The following STAB2 variants were observed in gnomAD, a reference collection of about 807,000 sequenced individuals.
STAB2 encodes stabilin 2.
A neutral mutation model predicts 338.1 loss-of-function variants in STAB2; 288 were observed. The ratio of observed to expected loss-of-function variants is 0.85; its 90% confidence interval spans 0.77 to 0.94. The LOEUF is 0.94. STAB2 is among the 40% of genes least tolerant of loss of function. The pLI, the probability that STAB2 is intolerant of heterozygous loss-of-function variation, is 0.00. For missense variants in STAB2, 3,141 were observed against 3,210.1 expected (o/e 0.98, Z 0.52); for synonymous variants, 1,202 against 1,193.3 (o/e 1.01, Z -0.15).
chr12:103,697,032 T>C (rs776269775), intron 33 of STAB2, among the ~76,000 whole-genome samples: 2 of 152,180 alleles, frequency 1.3e-5, no homozygotes, highest in African/African-American at 2.4e-5. Context: ...ATTTTTCTTA[T>C]TTAATAAGGA....
intron 9 of STAB2, among the ~76,000 whole-genome samples, chr12:103,645,888 TG>T (rs752348598): frequency 7.6e-6 from 1 of 131,986 alleles, no homozygotes; most frequent in Non-Finnish European, 1.6e-5. Context: ...TGGGCGGGGC[TG>T]GGGAGGGGGG....
intron 49 of STAB2, among the ~76,000 whole-genome samples, chr12:103,731,168 C>A (rs184546756): frequency 5.3e-4 from 81 of 152,332 alleles, no homozygotes; most frequent in African/African-American, 1.4e-3. Context: ...TGTCACAGCT[C>A]TGTGACTGCC....
intron 34 of STAB2, among the ~76,000 whole-genome samples, chr12:103,699,957 G>A (rs761185665): frequency 6.6e-6 from 1 of 152,170 alleles, no homozygotes; most frequent in Non-Finnish European, 1.5e-5. Flanking sequence ...CCAGGAAGTG[G>A]TGTGGGCTCC....
chr12:103,663,089 A>G, intron 18 of STAB2, 91 bp downstream of exon 18: 1 of 1,512,496 alleles, frequency 6.6e-7, no homozygotes, highest in Non-Finnish European at 8.9e-7. Flanking sequence ...AAGGTGTCAA[A>G]GAAAGTTGGA....
chr12:103,728,773 G>C (rs1186391068), intron 47 of STAB2, 76 bp from the exon 48 acceptor site: 1 of 1,579,052 alleles, frequency 6.3e-7, no homozygotes, highest in Non-Finnish European at 8.7e-7. Context: ...AGAGAATGGA[G>C]GACAGGAGAG....
At chr12:103,651,192 G>A (rs1226593461) in intron 11 of STAB2, among the ~76,000 whole-genome samples, 1 of 151,908 alleles carries the variant, frequency 6.6e-6, no homozygotes. Context: ...TTATCGATTT[G>A]TATACAACTT....
intron 3 of STAB2, among the ~76,000 whole-genome samples, chr12:103,595,952 G>A (rs1055268760): frequency 4.6e-5 from 7 of 152,150 alleles, no homozygotes; most frequent in Middle Eastern, 3.2e-3. Flanking sequence ...CCTTGCCCTG[G>A]AAAGGTCAAG....
intron 31 of STAB2, 100 bp downstream of exon 31, chr12:103,692,989 C>T (rs1331705300): frequency 1.1e-6 from 1 of 911,596 alleles, no homozygotes; most frequent in African/African-American, 1.7e-5. Context: ...AATACTTAGC[C>T]TTATATGGAA....
At chr12:103,588,451 CT>C (rs148344165) in intron 1 of STAB2, among the ~76,000 whole-genome samples, 8,458 of 152,262 alleles carry the variant, frequency 0.056, 278 homozygotes, top group Non-Finnish European at 0.081. Context: ...AGTCTCGCCC[CT>C]GACAGTGCTC....
Position 103,748,947 on chromosome 12 carries a change from T to C in STAB2, c.6245-16T>C. On this transcript the variant is annotated splice_polypyrimidine_tract_variant and intron_variant, in intron 58 of 68. Coordinates refer to ENST00000388887, the MANE Select transcript of STAB2 (RefSeq NM_017564.10). ...AGAAGGTGGTAAGTTGAGCCCTCTCTCCTCTGCTCTTGCAGTTGTGGATTT... is the reference window on the plus strand; with the variant it reads ...AGAAGGTGGTAAGTTGAGCCCTCTCCCCTCTGCTCTTGCAGTTGTGGATTT... 1 of 1,607,742 alleles carries C rather than the reference T, an allele frequency of 6.2e-7. No homozygotes were observed. The highest frequency in any genetic ancestry group is 8.5e-7 in the Non-Finnish European group (1 of 1,176,052).
intron 3 of STAB2, among the ~76,000 whole-genome samples, chr12:103,608,697 C>T (rs1861413497): frequency 6.6e-6 from 1 of 152,146 alleles, no homozygotes; most frequent in Admixed American, 6.5e-5. Context: ...TTAATTAGAT[C>T]CCATTTGTCA....
chr12:103,681,748 A>T (rs191797177), intron 25 of STAB2, among the ~76,000 whole-genome samples: 1,610 of 150,686 alleles, frequency 0.011, 32 homozygotes, highest in African/African-American at 0.037. Flanking sequence ...CAGCCTCCCA[A>T]GTAGCTGGGA....
At chr12:103,746,513 G>A in intron 57 of STAB2, 84 bp from the exon 58 acceptor site, 1 of 1,302,966 alleles carries the variant, frequency 7.7e-7, no homozygotes, top group Middle Eastern at 1.8e-4. Context: ...TGGTCGTCCA[G>A]AGAGAGTCTT....
intron 3 of STAB2, among the ~76,000 whole-genome samples, chr12:103,610,436 A>T (rs569548421): frequency 1.2e-3 from 177 of 152,240 alleles, no homozygotes; most frequent in African/African-American, 3.7e-3. Flanking sequence ...GTGTCGAGGA[A>T]TTTATCCATT....
At chr12:103,752,089 C>T (rs934726808) in intron 60 of STAB2, among the ~76,000 whole-genome samples, 3 of 152,098 alleles carry the variant, frequency 2.0e-5, no homozygotes, top group Non-Finnish European at 2.9e-5. Flanking sequence ...CTGATGGTTC[C>T]GTTTCCAGGA....
intron 35 of STAB2, among the ~76,000 whole-genome samples, chr12:103,704,080 G>A (rs868717005): frequency 5.3e-5 from 8 of 152,182 alleles, no homozygotes; most frequent in Admixed American, 3.3e-4. Context: ...TAGACACATT[G>A]ACCACCTCCT....
intron 12 of STAB2, among the ~76,000 whole-genome samples, chr12:103,653,710 A>G (rs12825536): frequency 8.0e-4 from 99 of 123,086 alleles, no homozygotes; most frequent in Middle Eastern, 5.2e-3. Flanking sequence ...ATGGATGGAT[A>G]GATGGATGGA....
intron 28 of STAB2, 37 bp downstream of exon 28, chr12:103,688,252 A>G (rs754425439): frequency 5.0e-6 from 8 of 1,603,706 alleles, no homozygotes; most frequent in South Asian, 1.1e-5. Flanking sequence ...TTGGGAATGT[A>G]TATATTTTAG....
At chr12:103,704,701 A>G in intron 36 of STAB2, 87 bp downstream of exon 36, 2 of 1,120,486 alleles carry the variant, frequency 1.8e-6, no homozygotes, top group Non-Finnish European at 2.6e-6. Flanking sequence ...TGTGATTTGC[A>G]CTTCCCTCAT....
Sources: allele counts gnomAD v4.1 joint callset (sites outside exome capture counted in the v4.1 genomes callset), GRCh38; gene constraint gnomAD v4.1.1; transcripts MANE v1.5; gene names NCBI Gene and HGNC (gene_info 2026-07-23, HGNC 2026-07-21).